Variants in NTPCR observed in about 807,000 individuals in gnomAD.
The protein encoded by NTPCR is nucleoside-triphosphatase, cancer-related.
In NTPCR, 15 loss-of-function variants were observed where a neutral mutation model predicts 19.5. The ratio of observed to expected loss-of-function variants is 0.77; its 90% CI spans 0.51 to 1.18. NTPCR has a LOEUF of 1.18. Ranked by LOEUF, NTPCR falls within the 50% of genes most tolerant of loss-of-function variation. The pLI is 0.00. For synonymous variants in NTPCR, 90 were observed against 95.8 expected (o/e 0.94, Z 0.36); for missense variants, 206 against 240.4 (o/e 0.86, Z 0.95).
intron 3 of NTPCR, chr1:232,964,529 C>A (rs1322132610): frequency 6.6e-6 from 1 of 152,182 alleles, no homozygotes; most frequent in Admixed American, 6.5e-5. Flanking sequence ...ATTAGATCAT[C>A]TTAAGATAAA....
Position 232,978,357 on chromosome 1 carries a change from C to G in NTPCR, c.*126C>G, listed in dbSNP as rs1669203232. The G allele has an allele frequency of 1.0e-5, 7 of 694,242 alleles. No homozygotes were observed. In the East Asian group the frequency reaches 1.9e-4, roughly 19 times the overall value. 43.0% of individuals were successfully genotyped at this position (694,242 alleles called of 1,614,324 possible). ...CTTGTGGGCTTTTCTAGAGAAAACTCAACAGCTGTTTCCCATAAAATGTTT... is the reference window on the plus strand; with the variant it reads ...CTTGTGGGCTTTTCTAGAGAAAACTGAACAGCTGTTTCCCATAAAATGTTT... On this transcript the variant is annotated 3_prime_UTR_variant, in exon 5 of 5. Coordinates refer to ENST00000366628, the MANE Select transcript of NTPCR (RefSeq NM_032324.3).
intron 1 of NTPCR, among the ~76,000 whole-genome samples, chr1:232,953,657 T>A (rs1180474886): frequency 6.6e-6 from 1 of 152,192 alleles, no homozygotes; most frequent in Non-Finnish European, 1.5e-5. Flanking sequence ...TCACAGGGAA[T>A]TTGAACATCA....
rs1669246938 is a variant in NTPCR, at chr1:232,980,163, A to G, written c.*1932A>G. 1 of 152,280 alleles carries G rather than the reference A, an allele frequency of 6.6e-6. No individual in the cohort carries two copies. The highest frequency in any genetic ancestry group is 2.1e-4 in the South Asian group (1 of 4,836). The allele number at this position is 152,280 out of a possible 1,614,324, so 9.4% of individuals were successfully genotyped here. On this transcript the variant is annotated 3_prime_UTR_variant, in exon 5 of 5. Transcript: ENST00000366628. ...GTTAAATAGCTAGTCTGAGGGGCTT[A>G]TCACTGAAGCCAGTTGTGCTTATGT...
chr1:232,955,215 C>T (rs1668476904), intron 1 of NTPCR, among the ~76,000 whole-genome samples: 1 of 152,144 alleles, frequency 6.6e-6, no homozygotes, highest in South Asian at 2.1e-4. Flanking sequence ...AACTGTAAAC[C>T]ATTTCACAGG....
chr1:232,960,993 T>G (rs1250308660), intron 3 of NTPCR, among the ~76,000 whole-genome samples: 1 of 152,230 alleles, frequency 6.6e-6, no homozygotes, highest in African/African-American at 2.4e-5. Context: ...GTTTATTTAT[T>G]CAGTCATTCA....
chr1:232,959,888 G>A (rs975370458), intron 3 of NTPCR, among the ~76,000 whole-genome samples: 2 of 152,002 alleles, frequency 1.3e-5, no homozygotes, highest in African/African-American at 4.8e-5. Flanking sequence ...GCCAAGCAGG[G>A]CTATGCCTAT....
chr1:232,976,345 C>A, intron 4 of NTPCR: 1 of 1,533,090 alleles, frequency 6.5e-7, no homozygotes, highest in Non-Finnish European at 8.8e-7. Flanking sequence ...TCTGTAGTCA[C>A]CGTACTGTGT....
At chr1:232,971,355 T>C (rs1668971974) in intron 4 of NTPCR, among the ~76,000 whole-genome samples, 1 of 152,282 alleles carries the variant, frequency 6.6e-6, no homozygotes, top group Middle Eastern at 3.4e-3. Flanking sequence ...ACCTTCCTCA[T>C]GATCATTTTA....
rs1273975075 is a variant in NTPCR at position 232,979,105 on chromosome 1, GT to G, written c.*876del. The G allele has an allele frequency of 6.6e-6, 1 of 152,146 alleles. No individual in the cohort carries two copies. The highest frequency in any genetic ancestry group is 1.9e-4 in the East Asian group (1 of 5,192). The allele number at this position is 152,146 out of a possible 1,614,324, so 9.4% of individuals were successfully genotyped here. A position where few individuals can be genotyped will look rare whatever the true frequency, so the allele number is the denominator to read the frequency against. ...AGGAATAATGGTGTAGCAATGCGGAGTTCAGCCCATAACAGGGGTACTATAA... is the reference window on the plus strand; with the variant it reads ...AGGAATAATGGTGTAGCAATGCGGAGTCAGCCCATAACAGGGGTACTATAA... On this transcript the variant is annotated 3_prime_UTR_variant, in exon 5 of 5. Transcript: ENST00000366628. This position sits in a 1 kb window ranked among gnomAD's most constrained non-coding sequence, Gnocchi z 5.3.
At position 232,980,098 on chromosome 1, in the gene NTPCR, GT is replaced by G. The variant is rs1669245194; in HGVS notation, c.*1868del. 1.3e-5 allele frequency: 2 copies of G among 152,224 alleles called. No homozygotes were observed. Among genetic ancestry groups the G allele is most frequent in the African/African-American group, 4.8e-5 (2 of 41,448 alleles). 9.4% of individuals were successfully genotyped at this position (152,224 alleles called of 1,614,324 possible). On this transcript the variant is annotated 3_prime_UTR_variant, in exon 5 of 5. Transcript: ENST00000366628. Reference sequence around the variant, plus strand: ...TGTCTGTTTTGTAGACTTTGATTTTGTCTTAAATGAGAAAGAAAGCTGGTGA... The same window carrying G: ...TGTCTGTTTTGTAGACTTTGATTTTGCTTAAATGAGAAAGAAAGCTGGTGA...
chr1:232,970,029 A>C lies in NTPCR; in HGVS notation c.415A>C (p.Ile139Leu), dbSNP rs745984011. 10 of 1,614,184 alleles carry C rather than the reference A, an allele frequency of 6.2e-6. No homozygotes were observed. The highest frequency in any genetic ancestry group is 7.6e-6 in the Non-Finnish European group (9 of 1,180,000). The change falls in exon 4 of 5, where the codon ATA becomes CTA. Residue 139 changes from isoleucine to leucine, a missense_variant. Coordinates refer to ENST00000366628, the MANE Select transcript of NTPCR (RefSeq NM_032324.3). ...VRQTLSTPGT[I>L]ILGTIPVPKG... ...TCAGACGCTGTCTACCCCAGGGACTATAATCCTTGGCACAATCCCAGTTCC... is the reference window on the plus strand; with the variant it reads ...TCAGACGCTGTCTACCCCAGGGACTCTAATCCTTGGCACAATCCCAGTTCC...
chr1:232,964,839 C>T (rs1476326337), intron 3 of NTPCR: 1 of 152,188 alleles, frequency 6.6e-6, no homozygotes. Flanking sequence ...AGATACTAAA[C>T]ATTTACCAAA....
chr1:232,969,634 T>G, intron 3 of NTPCR: 1 of 330,526 alleles, frequency 3.0e-6, no homozygotes, highest in Non-Finnish European at 5.7e-6. Context: ...TTTATTCCAA[T>G]TTATGTCCGT....
chr1:232,963,129 T>C (rs4141442), intron 3 of NTPCR: 41,280 of 152,116 alleles, frequency 0.27, 5,678 homozygotes, highest in African/African-American at 0.32. Flanking sequence ...ATTACAAGTA[T>C]GTAATGCAGG....
At chr1:232,952,923 T>TC (rs1668411662) in intron 1 of NTPCR, among the ~76,000 whole-genome samples, 1 of 152,172 alleles carries the variant, frequency 6.6e-6, no homozygotes, top group East Asian at 1.9e-4. Flanking sequence ...TGGAGCCCAC[T>TC]TGGCCTGCAA....
In NTPCR at chr1:232,981,299, G is replaced by C. The variant is rs1669273430; in HGVS notation, c.*3068G>C. 6.6e-6 allele frequency: 1 copy of C among 152,140 alleles called. No homozygotes were observed. The highest frequency in any genetic ancestry group is 1.5e-5 in the Non-Finnish European group (1 of 68,016). 9.4% of individuals were successfully genotyped at this position (152,140 alleles called of 1,614,324 possible). On this transcript the variant is annotated 3_prime_UTR_variant, in exon 5 of 5. Coordinates refer to ENST00000366628, the MANE Select transcript of NTPCR (RefSeq NM_032324.3). Reference sequence around the variant, plus strand: ...TGCAAATTCAGGCACTCAGTTCCCAGCCCTCCAGTTATCAAGGGGGTGGGA... The same window carrying C: ...TGCAAATTCAGGCACTCAGTTCCCACCCCTCCAGTTATCAAGGGGGTGGGA...
At chr1:232,960,386 C>G (rs968659240) in intron 3 of NTPCR, among the ~76,000 whole-genome samples, 85 of 151,214 alleles carry the variant, frequency 5.6e-4, no homozygotes, top group South Asian at 2.1e-4. Context: ...CTCTGTCAGC[C>G]AGGCTAGAGT....
chr1:232,983,005 A>G lies in NTPCR; in HGVS notation c.*4774A>G, dbSNP rs1404208926. 6.6e-6 allele frequency: 1 copy of G among 152,188 alleles called. No individual in the cohort carries two copies. Among genetic ancestry groups the G allele is most frequent in the Non-Finnish European group, 1.5e-5 (1 of 68,034 alleles). 9.4% of individuals were successfully genotyped at this position (152,188 alleles called of 1,614,324 possible). On this transcript the variant is annotated 3_prime_UTR_variant, in exon 5 of 5. Transcript: ENST00000366628. The stretch of plus-strand genomic sequence containing the variant: ...ACCTCTAGGGAGTGCTGACCTGAAA[A>G]TAAGAACCTTCTGTCTGTGATTATA...
At chr1:232,966,885 GGGAGGAAAGGGTGCTCCCCAGTT>G (rs1350345589) in intron 3 of NTPCR, 4 of 152,422 alleles carry the variant, frequency 2.6e-5, no homozygotes, top group African/African-American at 9.6e-5. Context: ...AGGCTGTGAG[GGGAGGAAAGGGTGCTCCCCAGTT>G]GGTGTGTACA....
Sources: allele counts gnomAD v4.1 joint callset (sites outside exome capture counted in the v4.1 genomes callset), GRCh38; gene constraint gnomAD v4.1.1; non-coding constraint Gnocchi (gnomAD v3.1); transcripts MANE v1.5; gene names NCBI Gene and HGNC (gene_info 2026-07-23, HGNC 2026-07-21).